SHANK2: variants seen among roughly 807,000 people sequenced by gnomAD.
SHANK2 encodes SH3 and multiple ankyrin repeat domains 2.
A neutral mutation model predicts 133.7 loss-of-function variants in SHANK2; 43 were observed. The ratio of observed to expected loss-of-function variants is 0.32; its 90% CI spans 0.25 to 0.41. SHANK2 has a LOEUF of 0.41. Among genes scored for constraint, SHANK2 ranks in the 10% least tolerant of loss-of-function variants. The pLI is 1.00. For synonymous variants in SHANK2, 1,017 were observed against 952.8 expected (o/e 1.07, Z -1.24); for missense variants, 1,994 against 2,235.8 (o/e 0.89, Z 2.18).
chr11:70,809,958 T>C (rs1948244005), intron 12 of SHANK2, among the ~76,000 whole-genome samples: 1 of 152,204 alleles, frequency 6.6e-6, no homozygotes, highest in Non-Finnish European at 1.5e-5. Context: ...GTCACTGCCA[T>C]GCAGCCTGGG....
chr11:70,952,752 G>T (rs920453990), intron 10 of SHANK2: 5 of 239,124 alleles, frequency 2.1e-5, no homozygotes, highest in East Asian at 2.8e-4. Context: ...TCGTGTGTCC[G>T]GGGGGGCCTG....
rs1256457964 is a variant in SHANK2, at chr11:70,683,887, G to T, written c.1853+14801C>A. 2.6e-5 allele frequency among the ~76,000 whole-genome samples: 4 copies of T among 151,860 alleles called. 1 individual carries two copies. The South Asian group carries it at 6.3e-4, about 24-fold the overall frequency. ...CAAACTCCGCCTCCTGGGTTCAAAC[G>T]ATTCTCGTGCCTCAGCCTCCCAAGT... On this transcript the variant is annotated intron_variant, in intron 15 of 25. Transcript: ENST00000601538.
chr11:71,093,902 T>C (rs1487051535), intron 7 of SHANK2, among the ~76,000 whole-genome samples: 1 of 152,098 alleles, frequency 6.6e-6, no homozygotes, highest in African/African-American at 2.4e-5. Flanking sequence ...GTGTGGGCTC[T>C]GGTGGAGGAT....
chr11:71,148,961 G>A (rs1952707794), intron 2 of SHANK2, among the ~76,000 whole-genome samples: 2 of 139,208 alleles, frequency 1.4e-5, no homozygotes, highest in Admixed American at 6.8e-5. Flanking sequence ...GTTCCCTCTC[G>A]GAGGAAGACA....
intron 17 of SHANK2, among the ~76,000 whole-genome samples, chr11:70,615,541 G>A (rs1413816362): frequency 3.9e-5 from 6 of 152,158 alleles, no homozygotes; most frequent in Non-Finnish European, 7.4e-5. Context: ...TAGTGGCGGC[G>A]CAAGGGAGCA....
At chr11:70,681,115 A>T (rs1300102404) in intron 15 of SHANK2, among the ~76,000 whole-genome samples, 1 of 152,124 alleles carries the variant, frequency 6.6e-6, no homozygotes, top group South Asian at 2.1e-4. Flanking sequence ...ATGCCTCTGC[A>T]TCTGTGCCTT....
At chr11:70,518,569 T>A (rs1349058646) in intron 17 of SHANK2, among the ~76,000 whole-genome samples, 2 of 152,188 alleles carry the variant, frequency 1.3e-5, no homozygotes, top group Non-Finnish European at 2.9e-5. Context: ...TCCTCTTTTA[T>A]CCCTTTGCAG....
chr11:70,757,045 G>A (rs1359133581), intron 14 of SHANK2, among the ~76,000 whole-genome samples: 4 of 152,208 alleles, frequency 2.6e-5, no homozygotes, highest in African/African-American at 7.2e-5. Flanking sequence ...GAGGGGAGCC[G>A]TGTGAAGGTC....
intron 14 of SHANK2, among the ~76,000 whole-genome samples, chr11:70,741,597 G>A (rs764008538): frequency 6.6e-6 from 1 of 152,084 alleles, no homozygotes; most frequent in Admixed American, 6.5e-5. Context: ...AGCTGCCTGG[G>A]TACCCTGTGT....
At chr11:70,893,323 C>A (rs1203285824) in intron 11 of SHANK2, among the ~76,000 whole-genome samples, 1 of 152,224 alleles carries the variant, frequency 6.6e-6, no homozygotes, top group Non-Finnish European at 1.5e-5. Context: ...GAGTATGAGA[C>A]CCTCCCCACC....
chr11:71,112,124 T>C (rs1362851494), intron 5 of SHANK2, among the ~76,000 whole-genome samples: 4 of 152,232 alleles, frequency 2.6e-5, no homozygotes, highest in Non-Finnish European at 5.9e-5. Context: ...CCGGGCACAG[T>C]GGCTCACGCC....
intron 17 of SHANK2, among the ~76,000 whole-genome samples, chr11:70,516,664 C>A (rs1445551822): frequency 1.3e-5 from 2 of 152,162 alleles, no homozygotes; most frequent in Admixed American, 1.3e-4. Flanking sequence ...AAAAGATAAA[C>A]CACAGACTGG....
At chr11:70,763,155 T>C (rs1451936022) in intron 14 of SHANK2, among the ~76,000 whole-genome samples, 1 of 152,194 alleles carries the variant, frequency 6.6e-6, no homozygotes, top group Non-Finnish European at 1.5e-5. Flanking sequence ...AGTTTCCTCA[T>C]GTGGAGGATA....
intron 10 of SHANK2, among the ~76,000 whole-genome samples, chr11:70,901,277 A>G (rs1452599211): frequency 6.6e-6 from 1 of 152,198 alleles, no homozygotes; most frequent in African/African-American, 2.4e-5. Context: ...TTAAAAAGTT[A>G]TGATATAATC....
At chr11:70,759,363 TAATTTCA>T (rs1344376079) in intron 14 of SHANK2, among the ~76,000 whole-genome samples, 1 of 151,716 alleles carries the variant, frequency 6.6e-6, no homozygotes, top group African/African-American at 2.4e-5. Context: ...CAGGTGCCTG[TAATTTCA>T]GCTACTTGGG....
chr11:70,845,466 G>A (rs73532091), intron 11 of SHANK2, among the ~76,000 whole-genome samples: 2 of 151,930 alleles, frequency 1.3e-5, no homozygotes, highest in South Asian at 2.1e-4. Context: ...TTTCCTACTC[G>A]GCTTCGTGAA....
chr11:70,577,471 A>G (rs2060129917), intron 17 of SHANK2, among the ~76,000 whole-genome samples: 1 of 152,254 alleles, frequency 6.6e-6, no homozygotes, highest in South Asian at 2.1e-4. Context: ...AATGGGGACC[A>G]AAAGCCACAG....
chr11:71,118,689 C>A, intron 4 of SHANK2, 140 bp downstream of exon 4: 1 of 764,626 alleles, frequency 1.3e-6, no homozygotes, highest in South Asian at 2.1e-5. Flanking sequence ...ACCTCAAGAC[C>A]CCAGACTGAT....
chr11:70,623,661 C>T (rs1043145945), intron 17 of SHANK2, among the ~76,000 whole-genome samples: 1 of 152,178 alleles, frequency 6.6e-6, no homozygotes, highest in Non-Finnish European at 1.5e-5. Flanking sequence ...CCCAGCCACC[C>T]GCGGCTGCTT....
Sources: allele counts gnomAD v4.1 joint callset (sites outside exome capture counted in the v4.1 genomes callset), GRCh38; gene constraint gnomAD v4.1.1; transcripts MANE v1.5; gene names NCBI Gene and HGNC (gene_info 2026-07-23, HGNC 2026-07-21).